FOXP1: variants seen among roughly 807,000 people sequenced by gnomAD.
The protein encoded by FOXP1 is forkhead box protein P1.
Under a neutral mutation model 98.2 loss-of-function variants are expected in FOXP1, and 15 were observed. That is an observed-to-expected ratio of 0.15 (90% CI 0.10 to 0.24). The LOEUF (loss-of-function observed/expected upper bound fraction) is 0.24, where lower values mean the gene tolerates loss of function less well. FOXP1 is among the 10% of genes least tolerant of loss of function. The pLI is 1.00. For missense variants in FOXP1, 633 were observed against 848.5 expected (o/e 0.75, Z 3.15); for synonymous variants, 371 against 314.5 (o/e 1.18, Z -1.90).
Position 71,275,644 on chromosome 3 carries a change from A to G in FOXP1, c.-12+24176T>C, listed in dbSNP as rs930752802. Among the ~76,000 whole-genome samples the G allele has an allele frequency of 3.9e-5, 6 of 152,248 alleles. No homozygotes were observed. The South Asian group carries it at 6.2e-4, about 16-fold the overall frequency. On this transcript the variant is annotated intron_variant, in intron 5 of 20. Transcript: ENST00000649528. ...CACAATTCTACTGCAGAATGCAAAC[A>G]ACCTTGTAAAATATTCCCCCACCAC... is the stretch of plus-strand genomic sequence containing the variant.
chr3:71,456,673 G>A (rs1253814963), intron 3 of FOXP1, among the ~76,000 whole-genome samples: 2 of 152,072 alleles, frequency 1.3e-5, no homozygotes, highest in African/African-American at 2.4e-5. Flanking sequence ...CCACAGAAAC[G>A]TCGTGAGATA....
At chr3:71,470,986 A>G (rs2106681937) in intron 3 of FOXP1, among the ~76,000 whole-genome samples, 1 of 152,316 alleles carries the variant, frequency 6.6e-6, no homozygotes, top group African/African-American at 2.4e-5. Flanking sequence ...GTGACCACCT[A>G]AAGACTTGTG....
chr3:71,299,370 T>G (rs933556669), intron 5 of FOXP1, among the ~76,000 whole-genome samples: 1 of 152,220 alleles, frequency 6.6e-6, no homozygotes, highest in Non-Finnish European at 1.5e-5. Context: ...GGTGCCTGAC[T>G]GTTAATTTCT....
intron 3 of FOXP1, among the ~76,000 whole-genome samples, chr3:71,469,951 G>A (rs189340826): frequency 6.6e-6 from 1 of 152,156 alleles, no homozygotes; most frequent in African/African-American, 2.4e-5. Flanking sequence ...GGCCTCATGT[G>A]GGGTAATCTA....
intron 5 of FOXP1, among the ~76,000 whole-genome samples, chr3:71,246,160 T>A (rs2067730086): frequency 6.6e-6 from 1 of 151,960 alleles, no homozygotes; most frequent in African/African-American, 2.4e-5. Flanking sequence ...AAGGCTTCCA[T>A]ATCTTTATTC....
At chr3:71,578,919 T>C (rs2047930182) in intron 2 of FOXP1, among the ~76,000 whole-genome samples, 1 of 152,228 alleles carries the variant, frequency 6.6e-6, no homozygotes, top group Admixed American at 6.5e-5. Flanking sequence ...TATAGCGTTT[T>C]CAAAACATTA....
chr3:71,436,160 C>T (rs948815436), intron 3 of FOXP1, among the ~76,000 whole-genome samples: 2 of 151,830 alleles, frequency 1.3e-5, no homozygotes, highest in African/African-American at 4.8e-5. Context: ...CAAACTGTTC[C>T]TGGTATGGGC....
At chr3:70,987,275 A>G (rs2039906392) in intron 14 of FOXP1, among the ~76,000 whole-genome samples, 1 of 152,220 alleles carries the variant, frequency 6.6e-6, no homozygotes, top group Admixed American at 6.5e-5. Context: ...AGGAGGTCCA[A>G]GACAAACTTT....
intron 5 of FOXP1, among the ~76,000 whole-genome samples, chr3:71,259,216 A>T (rs1349203898): frequency 1.3e-5 from 2 of 152,334 alleles, no homozygotes; most frequent in Non-Finnish European, 2.9e-5. Context: ...ACGGCAACCA[A>T]AGGCTTCTAA....
chr3:71,549,483 T>C (rs956840098), intron 2 of FOXP1, among the ~76,000 whole-genome samples: 2 of 152,214 alleles, frequency 1.3e-5, no homozygotes, highest in African/African-American at 4.8e-5. Context: ...CAAGCGATTC[T>C]CCTGCCTCAG....
rs548342549 is a variant in FOXP1, at chr3:70,970,451, A to G, written c.1722+285T>C. The G allele has an allele frequency of 2.9e-5, 13 of 444,214 alleles. No individual in the cohort carries two copies. The East Asian group carries it at 4.4e-4, about 15-fold the overall frequency. The allele number at this position is 444,214 out of a possible 1,614,324, so 27.5% of individuals were successfully genotyped here. Reference sequence around the variant, plus strand: ...ATTACACTTGTGGTATTTTTGCCTCAAGTGAAATTCTGAAATAAGAGGATG... The same window carrying G: ...ATTACACTTGTGGTATTTTTGCCTCGAGTGAAATTCTGAAATAAGAGGATG... On this transcript the variant is annotated intron_variant, in intron 19 of 20. Coordinates refer to ENST00000649528, the MANE Select transcript of FOXP1 (RefSeq NM_001349338.3).
At chr3:71,463,573 T>C (rs1169180479) in intron 3 of FOXP1, among the ~76,000 whole-genome samples, 1 of 152,004 alleles carries the variant, frequency 6.6e-6, no homozygotes, top group African/African-American at 2.4e-5. Context: ...GGCTGGGGTC[T>C]CTCCCCAGGA....
intron 1 of FOXP1, chr3:71,582,760 A>G (rs2048287855): frequency 8.1e-6 from 8 of 985,248 alleles, no homozygotes; most frequent in Non-Finnish European, 9.6e-6. Flanking sequence ...GAGCGCGCGT[A>G]GGGGTGCGTG....
chr3:71,194,782 A>T (rs1227117380), intron 6 of FOXP1, among the ~76,000 whole-genome samples: 1 of 152,208 alleles, frequency 6.6e-6, no homozygotes, highest in Non-Finnish European at 1.5e-5. Flanking sequence ...CTATCAAATT[A>T]TATTATTAGA....
At chr3:71,060,088 T>C (rs894084716) in intron 7 of FOXP1, among the ~76,000 whole-genome samples, 5 of 152,146 alleles carry the variant, frequency 3.3e-5, no homozygotes, top group African/African-American at 4.8e-5. Flanking sequence ...TTAATCAGCA[T>C]AGAAAATTTC....
At chr3:71,406,471 A>G (rs189881598) in intron 3 of FOXP1, among the ~76,000 whole-genome samples, 46 of 144,994 alleles carry the variant, frequency 3.2e-4, no homozygotes, top group Admixed American at 5.6e-4. Flanking sequence ...GTGAAAATCA[A>G]ATCAGGGTAT....
intron 4 of FOXP1, among the ~76,000 whole-genome samples, chr3:71,308,483 G>T (rs568009106): frequency 3.3e-5 from 5 of 152,086 alleles, no homozygotes; most frequent in Non-Finnish European, 5.9e-5. Context: ...GATACGATGC[G>T]TACAATGGCT....
chr3:71,112,300 A>T (rs2058009587), intron 7 of FOXP1, among the ~76,000 whole-genome samples: 1 of 152,178 alleles, frequency 6.6e-6, no homozygotes, highest in South Asian at 2.1e-4. Flanking sequence ...CAACACTTAC[A>T]ACTCCTTATC....
chr3:71,463,783 G>C (rs1452764984), intron 3 of FOXP1, among the ~76,000 whole-genome samples: 1 of 152,110 alleles, frequency 6.6e-6, no homozygotes, highest in Non-Finnish European at 1.5e-5. Context: ...GGTTTTGTCT[G>C]GCTACTCTTG....
Sources: allele counts gnomAD v4.1 joint callset (sites outside exome capture counted in the v4.1 genomes callset), GRCh38; gene constraint gnomAD v4.1.1; transcripts MANE v1.5; gene names NCBI Gene and HGNC (gene_info 2026-07-23, HGNC 2026-07-21).